The following ABITRAM variants were observed in gnomAD, a reference collection of about 807,000 sequenced individuals.
ABITRAM encodes actin binding transcription modulator.
In ABITRAM, 19 loss-of-function variants were observed where a neutral mutation model predicts 22.9. The observed-to-expected ratio is 0.83, with a 90% CI of 0.58 to 1.22. ABITRAM has a LOEUF of 1.22. ABITRAM is among the 50% of genes most tolerant of loss of function. The probability of loss-of-function intolerance (pLI) is 0.00; values close to 1 mark genes in which losing one functional copy is unlikely to be tolerated. For synonymous variants in ABITRAM, 70 were observed against 73.9 expected, an observed-to-expected ratio of 0.95 and a Z score of 0.27; for missense variants, 215 against 220.2, an observed-to-expected ratio of 0.98 and a Z score of 0.15.
downstream of ABITRAM, chr9:108,943,827 A>C: frequency 6.2e-7 from 1 of 1,611,860 alleles, no homozygotes. Context: ...CTGAAATGTA[A>C]TTTAACAAGT....
rs761132717 is a variant in ABITRAM at position 108,935,654 on chromosome 9, T to C, written c.96T>C (p.Phe32=). The C allele has an allele frequency of 5.6e-6, 9 of 1,613,402 alleles. No homozygotes were observed. The African/African-American group carries it at 9.3e-5, about 17-fold the overall frequency. ...TTCTTCTAGATGTCAAAGGAAAATTTTGTGAGGACCACTGTATACTACAGC... is the reference window on the plus strand; with the variant it reads ...TTCTTCTAGATGTCAAAGGAAAATTCTGTGAGGACCACTGTATACTACAGC... ...RWYKPDVKGK[F]CEDHCILQHS... Residue 32 remains phenylalanine, a synonymous_variant, in exon 2 of 6, where the codon TTT becomes TTC. Transcript: ENST00000322940.
chr9:108,942,644 A>G, downstream of ABITRAM: 2 of 698,114 alleles, frequency 2.9e-6, no homozygotes, highest in South Asian at 4.0e-5. Context: ...CAGAAAATAG[A>G]GCAAAATTTC....
chr9:108,950,088 T>C (rs1006223651), intron 3 of ABITRAM, among the ~76,000 whole-genome samples: 15 of 151,322 alleles, frequency 9.9e-5, no homozygotes, highest in Non-Finnish European at 2.2e-4. Context: ...ATATTTTACA[T>C]ATCAAACTAT....
At chr9:108,945,837 C>A (rs1293177852), downstream of ABITRAM, among the ~76,000 whole-genome samples, 1 of 152,102 alleles carries the variant, frequency 6.6e-6, no homozygotes. Flanking sequence ...GCAAAACCTG[C>A]AGATAGGGAG....
At position 108,939,285 on chromosome 9, in the gene ABITRAM, T is replaced by G; in HGVS notation, c.338+13T>G. ...ATACTGTGTCTAGGTGAGTAACTTT[T>G]TAGCCACCATTTAGGAGACCAAAGG... On this transcript the variant is annotated intron_variant, in intron 4 of 5. Coordinates refer to ENST00000322940, the MANE Select transcript of ABITRAM (RefSeq NM_017832.4). The G allele has an allele frequency of 1.2e-6, 2 of 1,609,332 alleles. No homozygotes were observed. The highest frequency in any genetic ancestry group is 1.7e-6 in the Non-Finnish European group (2 of 1,178,702).
chr9:108,943,462 G>T (rs1031113730), downstream of ABITRAM, among the ~76,000 whole-genome samples: 1 of 152,306 alleles, frequency 6.6e-6, no homozygotes, highest in Admixed American at 6.5e-5. Flanking sequence ...AATGACTTCA[G>T]AATTGAAGGG....
intron 3 of ABITRAM, among the ~76,000 whole-genome samples, chr9:108,947,799 G>A (rs1830448834): frequency 6.6e-6 from 1 of 152,188 alleles, no homozygotes; most frequent in Non-Finnish European, 1.5e-5. Flanking sequence ...TCTCTCATGT[G>A]TTATCTCATT....
intron 3 of ABITRAM, among the ~76,000 whole-genome samples, chr9:108,947,127 T>C (rs1262448658): frequency 1.3e-5 from 2 of 151,168 alleles, no homozygotes; most frequent in African/African-American, 4.9e-5. Context: ...TTTTTTTTTT[T>C]TTTTGAGATG....
downstream of ABITRAM, chr9:108,942,971 A>C (rs1830287430): frequency 6.2e-7 from 1 of 1,612,290 alleles, no homozygotes; most frequent in African/African-American, 1.3e-5. Context: ...CTTCTTCAGC[A>C]GTTTATAACA....
At chr9:108,943,524 G>A (rs2132073255), downstream of ABITRAM, among the ~76,000 whole-genome samples, 1 of 152,228 alleles carries the variant, frequency 6.6e-6, no homozygotes, top group South Asian at 2.1e-4. Flanking sequence ...ACTTTATTTG[G>A]TGAATCTGCT....
In ABITRAM at chr9:108,939,385, TTG is replaced by T; in HGVS notation, c.343_344del (p.Val115Ter). Reference sequence around the variant, plus strand: ...CTGAAATCTTAAATTTTTTTAATAGTTGTGTTAGAGGACGTTTGATGGAAGTG... The same window carrying T: ...CTGAAATCTTAAATTTTTTTAATAGTTGTTAGAGGACGTTTGATGGAAGTG... The part of the protein sequence containing the change: ...SDGEEYTVSS[C>X]VRGRLMEVNE... On this transcript the variant is annotated frameshift_variant and splice_region_variant, in exon 5 of 6. Transcript: ENST00000322940. LOFTEE classifies it high-confidence loss of function. 1 of 1,603,168 alleles carries T rather than the reference TTG, an allele frequency of 6.2e-7. No homozygotes were observed. The highest frequency in any genetic ancestry group is 8.5e-7 in the Non-Finnish European group (1 of 1,177,320).
chr9:108,934,496 G>A lies in ABITRAM; in HGVS notation c.10G>A (p.Glu4Lys), dbSNP rs1398591121. 4 of 1,603,718 alleles carry A rather than the reference G, an allele frequency of 2.5e-6. No individual in the cohort carries two copies. The Admixed American group carries it at 6.7e-5, about 27-fold the overall frequency. MAT[E>K]PEAAEPVVPS... ...GGCGCCGGAGGTCGCCATGGCTACC[G>A]AGCCCGAAGCCGCGGAGCCGGTGGT... Residue 4 changes from glutamate to lysine, a missense_variant, in exon 1 of 6, where the codon GAG becomes AAG. Coordinates refer to ENST00000322940, the MANE Select transcript of ABITRAM (RefSeq NM_017832.4).
intron 2 of ABITRAM, 125 bp downstream of exon 2, chr9:108,935,814 C>A: frequency 1.5e-6 from 1 of 662,688 alleles, no homozygotes; most frequent in Non-Finnish European, 2.6e-6. Flanking sequence ...TTATCTTCTA[C>A]TGTGTTGAAA....
chr9:108,938,057 C>CA (rs1830210213), intron 3 of ABITRAM, among the ~76,000 whole-genome samples: 1 of 151,420 alleles, frequency 6.6e-6, no homozygotes, highest in Non-Finnish European at 1.5e-5. Flanking sequence ...GAGGGACCTG[C>CA]ATATTGAACC....
In ABITRAM at chr9:108,950,614, A is replaced by G. The variant is rs1228584577; in HGVS notation, c.*21A>G. 4.5e-6 allele frequency: 7 copies of G among 1,549,118 alleles called. No individual in the cohort carries two copies. In the African/African-American group the frequency reaches 9.6e-5, roughly 21 times the overall value. On this transcript the variant is annotated 3_prime_UTR_variant, in exon 4 of 4. Coordinates refer to the ABITRAM transcript ENST00000374624. The stretch of plus-strand genomic sequence containing the variant: ...CTTAATCCTCCTTCTATAGGAAGGA[A>G]TCTTCACGAGCACAGGATCCCTCAC...
chr9:108,949,281 C>T (rs960247350), intron 3 of ABITRAM, among the ~76,000 whole-genome samples: 2 of 152,198 alleles, frequency 1.3e-5, no homozygotes, highest in Non-Finnish European at 1.5e-5. Context: ...AGCTTCCCCT[C>T]GTAGTGCAAC....
At chr9:108,948,090 C>T in intron 3 of ABITRAM, 1 of 1,338,968 alleles carries the variant, frequency 7.5e-7, no homozygotes, top group Non-Finnish European at 1.1e-6. Flanking sequence ...CAGATGTAAG[C>T]ATATACACAT....
At chr9:108,937,481 C>G (rs937221941) in intron 3 of ABITRAM, among the ~76,000 whole-genome samples, 1 of 152,214 alleles carries the variant, frequency 6.6e-6, no homozygotes, top group African/African-American at 2.4e-5. Context: ...GCTAATTGCT[C>G]TCACTATTCT....
downstream of ABITRAM, among the ~76,000 whole-genome samples, chr9:108,945,162 A>G (rs1456897273): frequency 6.6e-6 from 1 of 152,192 alleles, no homozygotes; most frequent in Non-Finnish European, 1.5e-5. Context: ...CTATCCTGAC[A>G]TCAGTCTTGT....
Sources: gnomAD v4.1 joint callset for allele counts (sites outside exome capture counted in the v4.1 genomes callset) on GRCh38, gnomAD v4.1.1 for gene constraint, MANE v1.5 for transcripts, NCBI Gene and HGNC (gene_info 2026-07-23, HGNC 2026-07-21) for gene names.